The following DNAAF11 variants were observed in gnomAD, a reference collection of about 807,000 sequenced individuals.
DNAAF11 encodes the protein leucine rich repeat containing 6.
In DNAAF11, 45 loss-of-function variants were observed where a neutral mutation model predicts 60.8. That is an observed-to-expected ratio of 0.74 (90% CI 0.58 to 0.95). The LOEUF is 0.95. Among genes scored for constraint, DNAAF11 ranks in the 40% least tolerant of loss-of-function variants. The probability of loss-of-function intolerance (pLI) is 0.00; values close to 1 mark genes in which losing one functional copy is unlikely to be tolerated. For missense variants in DNAAF11, 546 were observed against 546.2 expected, an observed-to-expected ratio of 1.00 and a Z score of 0.00; for synonymous variants, 191 against 183.5, an observed-to-expected ratio of 1.04 and a Z score of -0.33.
chr8:132,572,869 T>C (rs1814354274), intron 11 of DNAAF11, among the ~76,000 whole-genome samples: 1 of 152,118 alleles, frequency 6.6e-6, no homozygotes, highest in Non-Finnish European at 1.5e-5. Context: ...TGAATGCAGC[T>C]CATCAGGCTT....
At chr8:132,690,313 T>C in the DNAAF11 span, among the ~76,000 whole-genome samples, 1 of 152,156 alleles carries the variant, frequency 6.6e-6, no homozygotes, top group Non-Finnish European at 1.5e-5. Flanking sequence ...CTCGTGATAC[T>C]GAGTTCTCAT....
chr8:132,603,771 G>A (rs1016961953), intron 10 of DNAAF11, among the ~76,000 whole-genome samples: 3 of 152,048 alleles, frequency 2.0e-5, no homozygotes, highest in African/African-American at 7.2e-5. Flanking sequence ...TTTTTAAGAG[G>A]GGAGACCTTT....
intron 10 of DNAAF11, among the ~76,000 whole-genome samples, chr8:132,593,336 T>C (rs866213905): frequency 6.9e-5 from 9 of 129,740 alleles, no homozygotes; most frequent in Non-Finnish European, 9.7e-5. Context: ...TACATACATA[T>C]ATATATATAT....
chr8:132,690,926 T>C, the DNAAF11 span, among the ~76,000 whole-genome samples: 3 of 152,214 alleles, frequency 2.0e-5, no homozygotes, highest in Non-Finnish European at 4.4e-5. Flanking sequence ...GTGTCACTGC[T>C]TACGTTGGCC....
At chr8:132,697,945 C>T in the DNAAF11 span, among the ~76,000 whole-genome samples, 338 of 152,220 alleles carry the variant, frequency 2.2e-3, 1 homozygote, top group African/African-American at 7.8e-3. Flanking sequence ...AAGAATGGGA[C>T]AGAAAATATT....
chr8:132,574,208 G>A (rs1363032676), intron 11 of DNAAF11, among the ~76,000 whole-genome samples: 1 of 152,194 alleles, frequency 6.6e-6, no homozygotes, highest in Non-Finnish European at 1.5e-5. Context: ...TCATCATAAG[G>A]TTGGTGGCTG....
chr8:132,590,770 C>T (rs1816380020), intron 10 of DNAAF11, among the ~76,000 whole-genome samples: 1 of 152,184 alleles, frequency 6.6e-6, no homozygotes, highest in Admixed American at 6.6e-5. Flanking sequence ...CTAGGCTTTT[C>T]TGAATGCAAT....
At chr8:132,599,063 T>C (rs1232516688) in intron 10 of DNAAF11, among the ~76,000 whole-genome samples, 1 of 151,520 alleles carries the variant, frequency 6.6e-6, no homozygotes, top group Admixed American at 6.6e-5. Context: ...AAGAATCAAA[T>C]AGATGCAATA....
chr8:132,605,600 CT>C (rs1468203303), intron 10 of DNAAF11, among the ~76,000 whole-genome samples: 1 of 152,074 alleles, frequency 6.6e-6, no homozygotes, highest in Non-Finnish European at 1.5e-5. Context: ...AGCTTAAATT[CT>C]TGTTGGGGAA....
chr8:132,591,419 AT>A (rs977939233), intron 10 of DNAAF11, among the ~76,000 whole-genome samples: 2 of 151,602 alleles, frequency 1.3e-5, no homozygotes, highest in Non-Finnish European at 2.9e-5. Context: ...AAGCCATAAA[AT>A]TTTTTTAAAT....
intron 1 of DNAAF11, among the ~76,000 whole-genome samples, chr8:132,669,147 T>C (rs1478297833): frequency 6.6e-6 from 1 of 152,196 alleles, no homozygotes; most frequent in East Asian, 1.9e-4. Flanking sequence ...TTTTGATTTC[T>C]TTCCTACCCA....
chr8:132,610,751 T>G (rs2129970622), intron 9 of DNAAF11, among the ~76,000 whole-genome samples: 1 of 152,296 alleles, frequency 6.6e-6, no homozygotes, highest in Non-Finnish European at 1.5e-5. Context: ...AGACACAGGT[T>G]TAAAATATTA....
intron 5 of DNAAF11, 74 bp downstream of exon 5, chr8:132,632,666 A>G (rs1820907918): frequency 9.5e-7 from 1 of 1,047,230 alleles, no homozygotes; most frequent in Non-Finnish European, 1.5e-6. Context: ...TGTACTGCAA[A>G]CAACTTGGAA....
At chr8:132,594,563 G>T (rs1002357023) in intron 10 of DNAAF11, among the ~76,000 whole-genome samples, 3 of 152,122 alleles carry the variant, frequency 2.0e-5, no homozygotes, top group South Asian at 4.1e-4. Flanking sequence ...GTCAAGGAGG[G>T]ACCTGTAATC....
At position 132,572,175 on chromosome 8, in the gene DNAAF11, A is replaced by T; in HGVS notation, c.*131T>A. ...TAAGGATATTACTATGCAAAGTAAG[A>T]GTTAAAACACTGGAGCAGCGATATT... On this transcript the variant is annotated 3_prime_UTR_variant, in exon 12 of 12. Coordinates refer to ENST00000620350, the MANE Select transcript of DNAAF11 (RefSeq NM_012472.6). 1 of 689,698 alleles carries T rather than the reference A, an allele frequency of 1.4e-6. No individual in the cohort carries two copies. Among genetic ancestry groups the T allele is most frequent in the South Asian group, 2.4e-5 (1 of 40,994 alleles). 42.7% of individuals were successfully genotyped at this position (689,698 alleles called of 1,614,324 possible).
intron 5 of DNAAF11, among the ~76,000 whole-genome samples, chr8:132,627,864 G>A (rs556254414): frequency 1.3e-5 from 2 of 152,182 alleles, no homozygotes; most frequent in East Asian, 3.9e-4. Context: ...CCCTCGCTGG[G>A]ACCAATATCC....
At chr8:132,622,029 G>A (rs2130259335) in intron 7 of DNAAF11, among the ~76,000 whole-genome samples, 1 of 152,290 alleles carries the variant, frequency 6.6e-6, no homozygotes, top group East Asian at 1.9e-4. Context: ...TCTCTGGTCT[G>A]TATTTTAGCT....
At chr8:132,598,462 G>A (rs1410409278) in intron 10 of DNAAF11, among the ~76,000 whole-genome samples, 1 of 152,194 alleles carries the variant, frequency 6.6e-6, no homozygotes, top group Non-Finnish European at 1.5e-5. Context: ...GTTTATCACA[G>A]AGCATATACA....
rs532253643 is a variant in DNAAF11 at position 132,596,483 on chromosome 8, C to T, written c.1141-12704G>A. Among the ~76,000 whole-genome samples the T allele has an allele frequency of 2.0e-5, 3 of 152,220 alleles. No individual in the cohort carries two copies. The South Asian group carries it at 6.2e-4, about 32-fold the overall frequency. On this transcript the variant is annotated intron_variant, in intron 10 of 11. Transcript: ENST00000620350. ...TATTAAGTTAGGACAAACATTAAGA[C>T]TGAGAATAATATATAAAATGAAAAT...
Sources: allele counts gnomAD v4.1 joint callset (sites outside exome capture counted in the v4.1 genomes callset), GRCh38; gene constraint gnomAD v4.1.1; transcripts MANE v1.5; gene names NCBI Gene and HGNC (gene_info 2026-07-23, HGNC 2026-07-21).